Variants in SLC8A1 observed in about 807,000 individuals in gnomAD.
The protein encoded by SLC8A1 is sodium/calcium exchanger 1.
A neutral mutation model predicts 68.3 loss-of-function variants in SLC8A1; 18 were observed. The observed-to-expected ratio is 0.26, with a 90% confidence interval of 0.18 to 0.39. SLC8A1 has a LOEUF of 0.39. SLC8A1 is among the 10% of genes least tolerant of loss of function. The pLI is 1.00. For synonymous variants in SLC8A1, 475 were observed against 415.5 expected (o/e 1.14, Z -1.74); for missense variants, 985 against 1,156.7 (o/e 0.85, Z 2.15).
At chr2:40,274,210 T>G (rs1386446588) in intron 2 of SLC8A1, among the ~76,000 whole-genome samples, 1 of 148,168 alleles carries the variant, frequency 6.7e-6, no homozygotes, top group East Asian at 2.0e-4. Flanking sequence ...ATGATCACAT[T>G]TGCATACTAG....
intron 2 of SLC8A1, among the ~76,000 whole-genome samples, chr2:40,223,110 C>A (rs190677022): frequency 6.6e-6 from 1 of 152,062 alleles, no homozygotes; most frequent in African/African-American, 2.4e-5. Context: ...AGAGTTGGAA[C>A]GAACCCAAAT....
At chr2:40,468,055 T>C (rs1043670521) in intron 1 of SLC8A1, among the ~76,000 whole-genome samples, 1 of 152,174 alleles carries the variant, frequency 6.6e-6, no homozygotes, top group Admixed American at 6.6e-5. Context: ...TGAGATATTA[T>C]GATATAAAAT....
At chr2:40,379,578 A>T (rs924968648) in intron 2 of SLC8A1, among the ~76,000 whole-genome samples, 1 of 151,424 alleles carries the variant, frequency 6.6e-6, no homozygotes, top group Non-Finnish European at 1.5e-5. Flanking sequence ...TAGCTTGACT[A>T]TGTTGTGCAG....
At chr2:40,397,272 G>A (rs779443010) in intron 2 of SLC8A1, among the ~76,000 whole-genome samples, 6 of 152,112 alleles carry the variant, frequency 3.9e-5, no homozygotes, top group Non-Finnish European at 8.8e-5. Flanking sequence ...GAGCTAATGT[G>A]CCCATTGATG....
In SLC8A1 at chr2:40,135,835, G is replaced by T. The variant is rs546059139; in HGVS notation, c.2437+3566C>A. ...TGACTTGTTCTCCTGAGAAAGGCAA[G>T]ATGTGGAAAGAGTAGGTTTGGTTAA... On this transcript the variant is annotated intron_variant, in intron 7 of 7. Coordinates refer to ENST00000406785, the Ensembl canonical transcript of SLC8A1. Among the ~76,000 whole-genome samples the T allele has an allele frequency of 2.7e-4, 41 of 152,340 alleles. 1 individual carries two copies. The South Asian group carries it at 8.5e-3, about 32-fold the overall frequency.
At chr2:40,486,998 A>C (rs1443038231) in intron 1 of SLC8A1, among the ~76,000 whole-genome samples, 1 of 151,598 alleles carries the variant, frequency 6.6e-6, no homozygotes, top group African/African-American at 2.4e-5. Context: ...CAATGAGAAC[A>C]CTTGGGCACA....
intron 4 of SLC8A1, among the ~76,000 whole-genome samples, chr2:40,169,394 T>C (rs913684466): frequency 1.2e-4 from 18 of 152,180 alleles, no homozygotes; most frequent in Non-Finnish European, 5.9e-5. Flanking sequence ...ATTTTTAGCA[T>C]GTGGCTGGCC....
At chr2:40,170,169 T>G in intron 4 of SLC8A1, 112 bp downstream of exon 7, 1 of 921,596 alleles carries the variant, frequency 1.1e-6, no homozygotes, top group Non-Finnish European at 1.7e-6. Flanking sequence ...GCTGCAGCAT[T>G]ATTTAGCAAT....
intron 2 of SLC8A1, among the ~76,000 whole-genome samples, chr2:40,238,427 A>G (rs379003): frequency 0.82 from 122,384 of 149,030 alleles, 50,109 homozygotes; most frequent in Admixed American, 0.87. Flanking sequence ...GACCCCTTGC[A>G]CTTCCCAAGT....
At chr2:40,239,379 GC>G (rs1182971381) in intron 2 of SLC8A1, among the ~76,000 whole-genome samples, 4 of 152,166 alleles carry the variant, frequency 2.6e-5, no homozygotes, top group Admixed American at 2.0e-4. Context: ...TCATCTTTGG[GC>G]TTTCTATTGA....
chr2:40,365,033 G>A (rs1186602895), intron 2 of SLC8A1, among the ~76,000 whole-genome samples: 1 of 151,992 alleles, frequency 6.6e-6, no homozygotes, highest in African/African-American at 2.4e-5. Context: ...TGTATTGCAT[G>A]GCATGTATTC....
intron 2 of SLC8A1, among the ~76,000 whole-genome samples, chr2:40,261,743 G>GT: frequency 1.3e-3 from 1 of 798 alleles, no homozygotes; most frequent in African/African-American, 4.2e-3. Context: ...CTGCGTAAGT[G>GT]CCACAGTCGT....
chr2:40,117,604 C>T (rs919161040), intron 7 of SLC8A1, among the ~76,000 whole-genome samples: 16 of 151,712 alleles, frequency 1.1e-4, no homozygotes, highest in Non-Finnish European at 2.1e-4. Context: ...TTTCAGCTAC[C>T]TTGCACAGTA....
intron 2 of SLC8A1, among the ~76,000 whole-genome samples, chr2:40,350,944 G>A (rs1467140775): frequency 1.3e-5 from 2 of 152,146 alleles, no homozygotes; most frequent in Non-Finnish European, 2.9e-5. Flanking sequence ...CAAAGGGCAT[G>A]AGGCTAGTAT....
chr2:40,172,394 A>C (rs1484969290), intron 4 of SLC8A1, among the ~76,000 whole-genome samples: 1 of 152,180 alleles, frequency 6.6e-6, no homozygotes, highest in Non-Finnish European at 1.5e-5. Flanking sequence ...GTAATAGGAA[A>C]CTGCCATTTC....
chr2:40,434,127 C>A (rs17026001), intron 1 of SLC8A1, among the ~76,000 whole-genome samples: 7,495 of 152,224 alleles, frequency 0.049, 365 homozygotes, highest in East Asian at 0.26. Context: ...ACAATATGTT[C>A]TTAGCCAAAA....
intron 1 of SLC8A1, among the ~76,000 whole-genome samples, chr2:40,465,099 G>T (rs549604419): frequency 1.3e-5 from 2 of 152,228 alleles, no homozygotes; most frequent in East Asian, 1.9e-4. Flanking sequence ...AACTAGGGTT[G>T]TACCACTCCC....
chr2:40,246,421 G>C (rs1348461875), intron 2 of SLC8A1, among the ~76,000 whole-genome samples: 2 of 152,184 alleles, frequency 1.3e-5, no homozygotes, highest in Admixed American at 6.5e-5. Context: ...ACTTGGTATG[G>C]TTCACTGTAA....
In SLC8A1 at chr2:40,254,196, TAAAAGC is replaced by T; in HGVS notation, c.1809-76347_1809-76342del. ...AAAAAATTAATATAAAAAAAGAAAA[TAAAAGC>T]TAATTCCAACTGCTAAGTCATTGAT... On this transcript the variant is annotated intron_variant, in intron 2 of 7. Transcript: ENST00000406785. Among the ~76,000 whole-genome samples the T allele has an allele frequency of 2.0e-5, 3 of 152,024 alleles. No individual in the cohort carries two copies. In the Middle Eastern group the frequency reaches 0.01, roughly 517 times the overall value.
Sources: gnomAD v4.1 joint callset for allele counts (sites outside exome capture counted in the v4.1 genomes callset) on GRCh38, gnomAD v4.1.1 for gene constraint, MANE v1.5 for transcripts, NCBI Gene and HGNC (gene_info 2026-07-23, HGNC 2026-07-21) for gene names.